BFSP1: variants seen among roughly 807,000 people sequenced by gnomAD.
BFSP1 encodes filensin.
A neutral mutation model predicts 43.9 loss-of-function variants in BFSP1; 38 were observed. That is an observed-to-expected ratio of 0.87 (90% CI 0.67 to 1.14). The LOEUF (loss-of-function observed/expected upper bound fraction) is 1.14, where lower values mean the gene tolerates loss of function less well. BFSP1 is among the 50% of genes most tolerant of loss of function. The pLI, the probability that BFSP1 is intolerant of heterozygous loss-of-function variation, is 0.00. For synonymous variants in BFSP1, 352 were observed against 354.8 expected (o/e 0.99, Z 0.09); for missense variants, 850 against 875.1 (o/e 0.97, Z 0.36).
chr20:17,558,358 A>T lies in BFSP1; in HGVS notation c.2+330T>A, dbSNP rs1293084117. On this transcript the variant is annotated intron_variant, in intron 1 of 7. Transcript: ENST00000377868. ...TCTGGCCTTGGGAAAAACAAATGGA[A>T]CTTTGGCCGTTCAAGAAGGGAAACT... is the stretch of plus-strand genomic sequence containing the variant. Among the ~76,000 whole-genome samples the T allele has an allele frequency of 4.6e-5, 7 of 152,228 alleles. 1 individual carries two copies. The highest frequency in any genetic ancestry group is 4.2e-4 in the South Asian group (2 of 4,818).
intron 1 of BFSP1, among the ~76,000 whole-genome samples, chr20:17,567,173 G>C (rs973670619): frequency 2.6e-5 from 4 of 152,194 alleles, no homozygotes; most frequent in Non-Finnish European, 5.9e-5. Flanking sequence ...GGTGTTAAAT[G>C]CAGAGGCTGA....
chr20:17,531,169 T>A lies in BFSP1; in HGVS notation c.161A>T (p.His54Leu). Residue 54 changes from histidine to leucine, a missense_variant, in exon 1 of 8, where the codon CAC becomes CTC. Transcript: ENST00000377873. The stretch of plus-strand genomic sequence containing the variant: ...CTCGAGGGCGCGGGCCCGCTGGACG[T>A]GGGCGGCCACGCGCTCGCCGAGCCC... ...LQGLGERVAAHVQRARALEQR... is the reference protein window; with the variant it reads ...LQGLGERVAALVQRARALEQR... 7.7e-7 allele frequency: 1 copy of A among 1,292,722 alleles called. No homozygotes were observed. Among genetic ancestry groups the A allele is most frequent in the Non-Finnish European group, 9.8e-7 (1 of 1,023,032 alleles). The allele number at this position is 1,292,722 out of a possible 1,614,324, so 80.1% of individuals were successfully genotyped here.
At chr20:17,563,587 C>G (rs1600690028), upstream of BFSP1, among the ~76,000 whole-genome samples, 2 of 152,052 alleles carry the variant, frequency 1.3e-5, no homozygotes, top group African/African-American at 4.8e-5. Context: ...GTGATCCACC[C>G]TCCCCAGCCT....
Position 17,507,329 on chromosome 20 carries a change from A to G in BFSP1, c.735+1560T>C, listed in dbSNP as rs2033962824. On this transcript the variant is annotated intron_variant, in intron 5 of 7. Transcript: ENST00000377873. The surrounding 1 kb of genome is among the most constrained non-coding windows in gnomAD (Gnocchi z 4.4). ...TGTATTTCAACATATCCATATGGAT[A>G]TAGAGAGATAAAACAAGGGCTTCAC... Among the ~76,000 whole-genome samples, 1 of 152,038 alleles carries G rather than the reference A, an allele frequency of 6.6e-6. No homozygotes were observed. The highest frequency in any genetic ancestry group is 2.4e-5 in the African/African-American group (1 of 41,370).
intron 1 of BFSP1, among the ~76,000 whole-genome samples, chr20:17,537,094 A>T (rs77463021): frequency 0.019 from 2,905 of 152,258 alleles, 38 homozygotes; most frequent in African/African-American, 0.027. Flanking sequence ...TCCGTCCTTT[A>T]CCCAGAACAT....
At chr20:17,558,958 A>G (rs1337873191) in exon 1 of BFSP1, 3 of 377,090 alleles carry the variant, frequency 8.0e-6, no homozygotes, top group African/African-American at 6.2e-5. Flanking sequence ...AGCATGGAAA[A>G]TTTTACTAGG....
intron 1 of BFSP1, among the ~76,000 whole-genome samples, chr20:17,538,608 G>A (rs1415059286): frequency 6.6e-6 from 1 of 152,256 alleles, no homozygotes; most frequent in East Asian, 1.9e-4. Flanking sequence ...ATGATGGTAC[G>A]GATTTTCAGA....
At chr20:17,514,650 G>A (rs1326097929) in intron 3 of BFSP1, 71 bp downstream of exon 3, 6 of 1,464,176 alleles carry the variant, frequency 4.1e-6, no homozygotes. Context: ...TTCAGCCACA[G>A]TACCCTCGGC....
At chr20:17,514,346 T>C (rs1442996553) in intron 3 of BFSP1, among the ~76,000 whole-genome samples, 1 of 152,212 alleles carries the variant, frequency 6.6e-6, no homozygotes. Context: ...AATAATGTGC[T>C]CCTGCAATTA....
intron 2 of BFSP1, chr20:17,516,943 A>G (rs1026971371): frequency 1.1e-5 from 8 of 733,192 alleles, no homozygotes; most frequent in Middle Eastern, 3.8e-4. Context: ...CAGGATAAGG[A>G]AAGAATTCCT....
At chr20:17,567,094 T>C (rs1273313227) in intron 1 of BFSP1, among the ~76,000 whole-genome samples, 1 of 152,068 alleles carries the variant, frequency 6.6e-6, no homozygotes, top group East Asian at 1.9e-4. Context: ...TCTTTATTAG[T>C]CTATAGCATT....
At position 17,514,812 on chromosome 20, in the gene BFSP1, G is replaced by A; in HGVS notation, c.443C>T (p.Ala148Val). The change falls in exon 3 of 8, where the codon GCT becomes GTT. Residue 148 changes from alanine to valine, a missense_variant. Transcript: ENST00000377873. Reference protein sequence around the residue: ...KEMLERLNKEADEALLHNLRL... With the variant: ...KEMLERLNKEVDEALLHNLRL... ...TAGGTTATGCAGCAAGGCTTCATCA[G>A]CTTCCTGCAATGAGAGCCACATATC... The A allele has an allele frequency of 6.2e-7, 1 of 1,613,492 alleles. No homozygotes were observed. The highest frequency in any genetic ancestry group is 8.5e-7 in the Non-Finnish European group (1 of 1,179,708).
At chr20:17,517,180 T>C in intron 2 of BFSP1, 4 of 821,136 alleles carry the variant, frequency 4.9e-6, no homozygotes, top group Non-Finnish European at 8.5e-6. Flanking sequence ...AATGGCAAAA[T>C]TAGTCACCTT....
chr20:17,529,520 C>CTG (rs374848349), intron 1 of BFSP1, among the ~76,000 whole-genome samples: 1 of 149,468 alleles, frequency 6.7e-6, no homozygotes, highest in East Asian at 2.0e-4. Flanking sequence ...GTGTGTGTGT[C>CTG]TGTGTGTGTG....
At position 17,525,532 on chromosome 20, in the gene BFSP1, C is replaced by T. The variant is rs556749204; in HGVS notation, c.378-624G>A. Among the ~76,000 whole-genome samples, 3 of 152,302 alleles carry T rather than the reference C, an allele frequency of 2.0e-5. No individual in the cohort carries two copies. Among genetic ancestry groups the T allele is most frequent in the Admixed American group, 2.0e-4 (3 of 15,302 alleles). On this transcript the variant is annotated intron_variant, in intron 1 of 7. Coordinates refer to ENST00000377873, the MANE Select transcript of BFSP1 (RefSeq NM_001195.5). The surrounding 1 kb of genome is among the most constrained non-coding windows in gnomAD (Gnocchi z 4.2). Reference sequence around the variant, plus strand: ...GGGCAAATGGGTGGGGCAGGCTGGACGTGCCAGGGAGTCAGGGCCTCTGGG... The same window carrying T: ...GGGCAAATGGGTGGGGCAGGCTGGATGTGCCAGGGAGTCAGGGCCTCTGGG...
chr20:17,524,805 AC>A (rs769459385), intron 2 of BFSP1, 42 bp downstream of exon 2: 5 of 1,591,130 alleles, frequency 3.1e-6, no homozygotes, highest in Non-Finnish European at 3.5e-6. Flanking sequence ...TCCATTCAAC[AC>A]TGTAATTAAG....
At chr20:17,561,218 G>A (rs988491964), upstream of BFSP1, among the ~76,000 whole-genome samples, 1 of 152,206 alleles carries the variant, frequency 6.6e-6, no homozygotes, top group African/African-American at 2.4e-5. Context: ...TATCATGGAG[G>A]TTGGGCATGG....
Position 17,509,652 on chromosome 20 carries a change from C to T in BFSP1, c.628-656G>A, listed in dbSNP as rs6136123. On this transcript the variant is annotated intron_variant, in intron 4 of 7. Coordinates refer to ENST00000377873, the MANE Select transcript of BFSP1 (RefSeq NM_001195.5). ...TCTGTGAAAGGGAAAACCTGGAATGCACACTCTCGAAGAAAATGAAGGCTG... is the reference window on the plus strand; with the variant it reads ...TCTGTGAAAGGGAAAACCTGGAATGTACACTCTCGAAGAAAATGAAGGCTG... 3.9e-3 allele frequency among the ~76,000 whole-genome samples: 593 copies of T among 152,250 alleles called. 31 individuals are homozygous for T. The East Asian group carries it at 0.091, about 23-fold the overall frequency.
intron 4 of BFSP1, among the ~76,000 whole-genome samples, 192 bp downstream of exon 4, chr20:17,511,784 A>G (rs968538291): frequency 5.9e-5 from 9 of 152,228 alleles, no homozygotes; most frequent in Non-Finnish European, 8.8e-5. Flanking sequence ...ACATCCTCAC[A>G]TGTCTAAATA....
Sources: allele counts gnomAD v4.1 joint callset (sites outside exome capture counted in the v4.1 genomes callset), GRCh38; gene constraint gnomAD v4.1.1; non-coding constraint Gnocchi (gnomAD v3.1); transcripts MANE v1.5; gene names NCBI Gene and HGNC (gene_info 2026-07-23, HGNC 2026-07-21).